The following SIPA1L1 variants were observed in gnomAD, a reference collection of about 807,000 sequenced individuals.
The protein encoded by SIPA1L1 is signal-induced proliferation-associated 1-like protein 1.
A neutral mutation model predicts 162.7 loss-of-function variants in SIPA1L1; 26 were observed. The observed-to-expected ratio is 0.16, with a 90% CI of 0.12 to 0.22. The LOEUF (loss-of-function observed/expected upper bound fraction) is 0.22, where lower values mean the gene tolerates loss of function less well. Among genes scored for constraint, SIPA1L1 ranks in the 10% least tolerant of loss-of-function variants. The probability of loss-of-function intolerance (pLI) is 1.00; values close to 1 mark genes in which losing one functional copy is unlikely to be tolerated. For missense variants in SIPA1L1, 1,874 were observed against 2,241.0 expected (o/e 0.84, Z 3.31); for synonymous variants, 829 against 837.4 (o/e 0.99, Z 0.17).
chr14:71,724,350 C>T (rs542026043), intron 18 of SIPA1L1, among the ~76,000 whole-genome samples: 12 of 152,208 alleles, frequency 7.9e-5, no homozygotes, highest in East Asian at 7.7e-4. Context: ...ATTTTGTTTT[C>T]GTTTGTGCAA....
intron 13 of SIPA1L1, among the ~76,000 whole-genome samples, chr14:71,695,663 A>AC (rs1555356375): frequency 6.6e-6 from 1 of 151,882 alleles, no homozygotes. Flanking sequence ...AAATCATCAG[A>AC]CCCCTACACG....
intron 7 of SIPA1L1, among the ~76,000 whole-genome samples, chr14:71,635,094 A>G (rs1486625212): frequency 6.6e-6 from 1 of 152,164 alleles, no homozygotes; most frequent in Admixed American, 6.5e-5. Context: ...CCTGCCTAAC[A>G]TGGTGAAACC....
rs547765331 is a variant in SIPA1L1, at chr14:71,497,232, A to G, written c.-464-15511A>G. ...TACAGTTTTATTTATTTTTATTACA[A>G]TGGGGTCTTGCTATATTGCCCAGGC... On this transcript the variant is annotated intron_variant, in intron 2 of 23. Coordinates refer to ENST00000381232, the MANE Select transcript of SIPA1L1 (RefSeq NM_001386936.1). 6.6e-5 allele frequency among the ~76,000 whole-genome samples: 10 copies of G among 152,126 alleles called. No individual in the cohort carries two copies. The South Asian group carries it at 1.5e-3, about 22-fold the overall frequency.
At chr14:71,734,044 C>T (rs150150591) in intron 21 of SIPA1L1, among the ~76,000 whole-genome samples, 68 of 152,344 alleles carry the variant, frequency 4.5e-4, no homozygotes, top group Non-Finnish European at 5.7e-4. Flanking sequence ...ATGAATGCCT[C>T]GCCTCCTCCG....
chr14:71,364,904 C>A (rs564404706), intron 2 of SIPA1L1, among the ~76,000 whole-genome samples: 1 of 151,962 alleles, frequency 6.6e-6, no homozygotes, highest in Admixed American at 6.5e-5. Context: ...TGCCACCACA[C>A]CCAGCTAATT....
At chr14:71,390,440 T>C (rs1322471438) in intron 2 of SIPA1L1, among the ~76,000 whole-genome samples, 5 of 152,224 alleles carry the variant, frequency 3.3e-5, no homozygotes, top group Non-Finnish European at 7.3e-5. Flanking sequence ...TAGCTATTCT[T>C]CAAAAACATG....
intron 7 of SIPA1L1, among the ~76,000 whole-genome samples, chr14:71,624,533 C>T (rs2039775743): frequency 6.6e-6 from 1 of 152,016 alleles, no homozygotes; most frequent in Non-Finnish European, 1.5e-5. Flanking sequence ...TAAATAATAG[C>T]AGTAATCATA....
At chr14:71,572,652 A>G (rs2032297628) in intron 4 of SIPA1L1, among the ~76,000 whole-genome samples, 2 of 152,240 alleles carry the variant, frequency 1.3e-5, no homozygotes, top group Admixed American at 1.3e-4. Context: ...CCTAGGAGAG[A>G]GTTCTTCAGG....
chr14:71,469,921 A>T (rs1438682289), intron 2 of SIPA1L1, among the ~76,000 whole-genome samples: 3 of 152,116 alleles, frequency 2.0e-5, no homozygotes, highest in Non-Finnish European at 4.4e-5. Context: ...GTGGGATGGG[A>T]ACTGAAGGGA....
chr14:71,485,924 C>G (rs892513174), intron 2 of SIPA1L1, among the ~76,000 whole-genome samples: 1 of 152,122 alleles, frequency 6.6e-6, no homozygotes, highest in African/African-American at 2.4e-5. Context: ...CCATTTCCCC[C>G]CCTACATTGC....
At chr14:71,709,135 C>G (rs1018989292) in intron 16 of SIPA1L1, 87 bp from the exon 17 acceptor site, 2 of 1,153,590 alleles carry the variant, frequency 1.7e-6, no homozygotes, top group Non-Finnish European at 1.2e-6. Flanking sequence ...AGCCCTATAA[C>G]TAGAAATTAA....
At chr14:71,334,494 C>G (rs571318374) in intron 2 of SIPA1L1, among the ~76,000 whole-genome samples, 12 of 152,120 alleles carry the variant, frequency 7.9e-5, no homozygotes, top group Non-Finnish European at 1.6e-4. Context: ...GTATGTATTT[C>G]AGTTATCTCC....
At chr14:71,562,468 T>C (rs1273972502) in intron 4 of SIPA1L1, among the ~76,000 whole-genome samples, 7 of 152,208 alleles carry the variant, frequency 4.6e-5, no homozygotes, top group Admixed American at 4.6e-4. Flanking sequence ...GATTTACTAA[T>C]ATTGCCTAAA....
rs79424067 is a variant in SIPA1L1 at position 71,554,036 on chromosome 14, A to G, written c.-303+24666A>G. Among the ~76,000 whole-genome samples the G allele has an allele frequency of 5.6e-3, 853 of 152,356 alleles. 10 individuals carry two copies. Among genetic ancestry groups the G allele is most frequent in the Non-Finnish European group, 8.1e-3 (550 of 68,026 alleles). On this transcript the variant is annotated intron_variant, in intron 4 of 23. Coordinates refer to ENST00000381232, the MANE Select transcript of SIPA1L1 (RefSeq NM_001386936.1). ...CCTTTCAAATGTAGCAAGAATGAAT[A>G]TAAAATTAGAGAAAAAAGTTTTCTT...
intron 4 of SIPA1L1, among the ~76,000 whole-genome samples, chr14:71,539,374 G>T (rs902422970): frequency 7.2e-5 from 11 of 152,152 alleles, no homozygotes; most frequent in Non-Finnish European, 1.3e-4. Flanking sequence ...TGACAATACT[G>T]TTTCCAGAGA....
intron 2 of SIPA1L1, among the ~76,000 whole-genome samples, chr14:71,483,073 A>G (rs1191250144): frequency 6.6e-6 from 1 of 152,192 alleles, no homozygotes; most frequent in Non-Finnish European, 1.5e-5. Flanking sequence ...CTTTTTGATA[A>G]GAGACTTCAT....
intron 2 of SIPA1L1, chr14:71,418,006 A>G (rs1341140226): frequency 6.6e-6 from 1 of 152,168 alleles, no homozygotes; most frequent in Non-Finnish European, 1.5e-5. Flanking sequence ...TAGCCTAACA[A>G]ACATTTTTAT....
At chr14:71,555,579 A>G (rs915411552) in intron 4 of SIPA1L1, among the ~76,000 whole-genome samples, 3 of 152,152 alleles carry the variant, frequency 2.0e-5, no homozygotes, top group African/African-American at 4.8e-5. Flanking sequence ...TTTTCTTCAA[A>G]AACTTTTCCT....
chr14:71,468,005 G>GGTGTGTGTGT (rs56265408), intron 2 of SIPA1L1, among the ~76,000 whole-genome samples: 45 of 141,706 alleles, frequency 3.2e-4, no homozygotes, highest in South Asian at 6.9e-4. Flanking sequence ...CAGTTAGAGG[G>GGTGTGTGTGT]GTGTGTGTGT....
Sources: allele counts gnomAD v4.1 joint callset (sites outside exome capture counted in the v4.1 genomes callset), GRCh38; gene constraint gnomAD v4.1.1; transcripts MANE v1.5; gene names NCBI Gene and HGNC (gene_info 2026-07-23, HGNC 2026-07-21).